Variants in TENM4 observed in about 807,000 individuals in gnomAD.
TENM4 encodes the protein teneurin transmembrane protein 4.
TENM4 carries 82 observed loss-of-function variants against 243.3 expected under a neutral mutation model. The observed-to-expected ratio is 0.34, with a 90% CI of 0.28 to 0.40. TENM4 has a LOEUF of 0.40. Among genes scored for constraint, TENM4 ranks in the 10% least tolerant of loss-of-function variants. The pLI is 1.00. For synonymous variants in TENM4, 1,412 were observed against 1,456.3 expected (o/e 0.97, Z 0.69); for missense variants, 3,138 against 3,673.3 (o/e 0.85, Z 3.77).
intron 5 of TENM4, 21 bp downstream of exon 5, chr11:79,069,700 GC>G: frequency 6.5e-7 from 1 of 1,536,914 alleles, no homozygotes; most frequent in Non-Finnish European, 8.8e-7. Context: ...CCTGAGGCCC[GC>G]CCCCTCGGCC....
At chr11:78,788,637 T>A (rs2136043091) in intron 15 of TENM4, among the ~76,000 whole-genome samples, 1 of 152,372 alleles carries the variant, frequency 6.6e-6, no homozygotes, top group African/African-American at 2.4e-5. Flanking sequence ...CCCAGTGAAG[T>A]GGATGACAAA....
At chr11:79,384,937 T>TTAAAATAAAATAAAATAAGA (rs1858080241) in intron 1 of TENM4, among the ~76,000 whole-genome samples, 1 of 114,376 alleles carries the variant, frequency 8.7e-6, no homozygotes, top group Non-Finnish European at 1.8e-5. Flanking sequence ...AAAAATAAAA[T>TTAAAATAAAATAAAATAAGA]TAAAATAAAA....
rs1387247745 is a variant in TENM4, at chr11:79,264,505, G to A, written c.-265+32983C>T. On this transcript the variant is annotated intron_variant, in intron 2 of 33. Transcript: ENST00000278550. ...ACGGATTCCCGTCCCCCTGCTCTAA[G>A]CTCTGGGTGTGTGGCAATACCTCCT... Among the ~76,000 whole-genome samples, 6 of 152,272 alleles carry A rather than the reference G, an allele frequency of 3.9e-5. No homozygotes were observed. In the East Asian group the frequency reaches 1.2e-3, roughly 29 times the overall value.
At chr11:78,708,566 C>T (rs1859315127) in intron 26 of TENM4, 51 bp from the exon 27 acceptor site, 2 of 1,589,716 alleles carry the variant, frequency 1.3e-6, no homozygotes, top group Admixed American at 3.5e-5. Flanking sequence ...ATGACAATGA[C>T]CCGCACATTC....
In TENM4 at chr11:78,787,067, G is replaced by T. The variant is rs1002948079; in HGVS notation, c.2196C>A (p.Asp732Glu). 1.6e-5 allele frequency: 25 copies of T among 1,548,056 alleles called. No individual in the cohort carries two copies. The highest frequency in any genetic ancestry group is 2.1e-5 in the Non-Finnish European group (24 of 1,144,906). Residue 732 changes from aspartate to glutamate, a missense_variant, in exon 16 of 34, where the codon GAC becomes GAA. Around this residue, in one of 2 missense-constraint regions of TENM4, gnomAD observed 2,467 missense variants for 3,059.1 expected, o/e 0.81. Transcript: ENST00000278550. ...HDCSIEICAA[D>E]CGGHGVCVGG... ...CTACGCACACGCCATGGCCACCACA[G>T]TCGGCAGCACAGATCTCTGTGGGGA... is the stretch of plus-strand genomic sequence containing the variant.
chr11:79,274,488 T>G (rs1198502212), intron 2 of TENM4, among the ~76,000 whole-genome samples: 3 of 152,236 alleles, frequency 2.0e-5, no homozygotes, highest in African/African-American at 7.2e-5. Context: ...CTTCTTTGTT[T>G]AAGGTAGCTC....
intron 2 of TENM4, among the ~76,000 whole-genome samples, chr11:79,254,226 T>C (rs1398194985): frequency 6.6e-6 from 1 of 152,214 alleles, no homozygotes; most frequent in Non-Finnish European, 1.5e-5. Context: ...GATAGGCATA[T>C]GTCACAGCAA....
intron 4 of TENM4, among the ~76,000 whole-genome samples, chr11:79,126,607 G>A (rs76232591): frequency 6.6e-6 from 1 of 152,164 alleles, no homozygotes; most frequent in Non-Finnish European, 1.5e-5. Context: ...CTGATAGGAA[G>A]CCTACTGCAT....
rs1025436456 is a variant in TENM4, at chr11:78,689,793, C to T, written c.5088-1567G>A. On this transcript the variant is annotated intron_variant, in intron 28 of 33. Transcript: ENST00000278550. ...GCCTGGCACAGATCACAGCACTCTACACTGAATCTAACAGTCCCTGGCACA... is the reference window on the plus strand; with the variant it reads ...GCCTGGCACAGATCACAGCACTCTATACTGAATCTAACAGTCCCTGGCACA... 1.4e-4 allele frequency among the ~76,000 whole-genome samples: 21 copies of T among 152,246 alleles called. 2 individuals are homozygous for T. Among genetic ancestry groups the T allele is most frequent in the Admixed American group, 1.2e-3 (18 of 15,292 alleles).
intron 1 of TENM4, among the ~76,000 whole-genome samples, chr11:79,300,037 A>C (rs766766863): frequency 2.6e-4 from 40 of 152,204 alleles, no homozygotes; most frequent in Non-Finnish European, 4.6e-4. Context: ...TCTTCCAGGA[A>C]GGCTTCTCCC....
chr11:78,720,334 G>A, intron 25 of TENM4, 36 bp downstream of exon 25: 1 of 1,612,924 alleles, frequency 6.2e-7, no homozygotes, highest in Non-Finnish European at 8.5e-7. Context: ...CAACAAGGCA[G>A]GGGTGAGGCA....
chr11:79,090,671 C>T (rs183318939), intron 4 of TENM4, among the ~76,000 whole-genome samples: 73 of 152,322 alleles, frequency 4.8e-4, no homozygotes, highest in African/African-American at 1.7e-3. Flanking sequence ...GCCTCTGCCT[C>T]CCATACTACT....
intron 2 of TENM4, among the ~76,000 whole-genome samples, chr11:79,263,018 T>G (rs1855824707): frequency 6.6e-6 from 1 of 152,218 alleles, no homozygotes; most frequent in Non-Finnish European, 1.5e-5. Flanking sequence ...CAGCACAACA[T>G]TCTTTTCCAA....
intron 9 of TENM4, among the ~76,000 whole-genome samples, chr11:78,872,778 T>C (rs978684892): frequency 1.3e-5 from 2 of 152,220 alleles, no homozygotes; most frequent in Non-Finnish European, 1.5e-5. Flanking sequence ...CTTGGCTGTA[T>C]AGAGCAACCC....
At chr11:79,293,387 G>C (rs1191373055) in intron 2 of TENM4, among the ~76,000 whole-genome samples, 1 of 151,820 alleles carries the variant, frequency 6.6e-6, no homozygotes, top group African/African-American at 2.4e-5. Context: ...TATGCCTGTG[G>C]TCCTAGCTAC....
chr11:79,329,759 G>A (rs1857032309), intron 1 of TENM4, among the ~76,000 whole-genome samples: 1 of 152,222 alleles, frequency 6.6e-6, no homozygotes, highest in African/African-American at 2.4e-5. Flanking sequence ...AAGGGAAGAT[G>A]AGATCAGAAG....
At chr11:79,081,534 G>GGGGTGT (rs1555004509) in intron 4 of TENM4, among the ~76,000 whole-genome samples, 2 of 148,176 alleles carry the variant, frequency 1.3e-5, no homozygotes, top group African/African-American at 5.0e-5. Flanking sequence ...TGTCAGAGGT[G>GGGGTGT]GTGTGTGTGT....
intron 4 of TENM4, among the ~76,000 whole-genome samples, chr11:79,088,486 G>A (rs1206460435): frequency 1.3e-5 from 2 of 152,120 alleles, no homozygotes; most frequent in South Asian, 2.1e-4. Flanking sequence ...AGCTCTGTGC[G>A]CCCCAGCTGT....
chr11:79,271,083 T>A (rs149418016), intron 2 of TENM4, among the ~76,000 whole-genome samples: 39 of 152,290 alleles, frequency 2.6e-4, no homozygotes, highest in Admixed American at 7.2e-4. Context: ...TCATGATGAC[T>A]TCTGAAGGCT....
Sources: allele counts gnomAD v4.1 joint callset (sites outside exome capture counted in the v4.1 genomes callset), GRCh38; gene constraint gnomAD v4.1.1; regional missense constraint gnomAD v4.1.1; transcripts MANE v1.5; gene names NCBI Gene and HGNC (gene_info 2026-07-23, HGNC 2026-07-21).